The following NAALADL2 variants were observed in gnomAD, a reference collection of about 807,000 sequenced individuals.
NAALADL2 encodes the protein N-acetylated alpha-linked acidic dipeptidase like 2.
A neutral mutation model predicts 87.2 loss-of-function variants in NAALADL2; 76 were observed. The observed-to-expected ratio is 0.87, with a 90% CI of 0.72 to 1.05. The LOEUF (loss-of-function observed/expected upper bound fraction) is 1.05, where lower values mean the gene tolerates loss of function less well. Ranked by LOEUF, NAALADL2 falls within the 50% of genes least tolerant of loss-of-function variation. The pLI, the probability that NAALADL2 is intolerant of heterozygous loss-of-function variation, is 0.00. For synonymous variants in NAALADL2, 354 were observed against 331.0 expected, an observed-to-expected ratio of 1.07 and a Z score of -0.75; for missense variants, 1,089 against 945.8, an observed-to-expected ratio of 1.15 and a Z score of -1.99.
intron 2 of NAALADL2, among the ~76,000 whole-genome samples, chr3:174,726,815 C>T (rs1578696938): frequency 2.6e-5 from 4 of 152,204 alleles, no homozygotes; most frequent in Admixed American, 6.5e-5. Context: ...GCTGTGTTCA[C>T]GCGTTTCCAC....
At chr3:174,891,003 G>A (rs1365921604) in intron 1 of NAALADL2, among the ~76,000 whole-genome samples, 5 of 151,660 alleles carry the variant, frequency 3.3e-5, no homozygotes, top group Non-Finnish European at 5.9e-5. Context: ...TCTAAATATA[G>A]ATACTTAACT....
intron 4 of NAALADL2, among the ~76,000 whole-genome samples, chr3:175,316,440 C>CA (rs1236757150): frequency 7.2e-5 from 11 of 152,088 alleles, no homozygotes; most frequent in African/African-American, 2.2e-4. Context: ...CAAAGGACCT[C>CA]CCAGCCTATC....
chr3:175,748,008 CT>C (rs548420197), intron 12 of NAALADL2, among the ~76,000 whole-genome samples: 16 of 148,308 alleles, frequency 1.1e-4, no homozygotes, highest in South Asian at 2.1e-4. Flanking sequence ...AAATCTGTTG[CT>C]TTTTTTTTTA....
intron 3 of NAALADL2, among the ~76,000 whole-genome samples, chr3:174,818,066 T>G (rs916674698): frequency 6.6e-6 from 1 of 152,164 alleles, no homozygotes; most frequent in African/African-American, 2.4e-5. Flanking sequence ...TTGATTTGTG[T>G]CTGTTGTTAG....
chr3:174,529,617 G>A (rs950947226), intron 1 of NAALADL2, among the ~76,000 whole-genome samples: 24 of 152,154 alleles, frequency 1.6e-4, no homozygotes, highest in South Asian at 6.2e-4. Context: ...GAACATCCAG[G>A]CATTTTCGAA....
chr3:175,089,567 T>G (rs984706920), intron 1 of NAALADL2, among the ~76,000 whole-genome samples: 6 of 152,282 alleles, frequency 3.9e-5, no homozygotes, highest in African/African-American at 1.4e-4. Context: ...ATAGTAATTC[T>G]TGGCTCATTT....
intron 11 of NAALADL2, among the ~76,000 whole-genome samples, chr3:175,656,571 A>G (rs148704368): frequency 2.2e-4 from 34 of 152,184 alleles, no homozygotes; most frequent in African/African-American, 8.2e-4. Context: ...TACCAACCAT[A>G]TAACACTACA....
At chr3:174,896,022 G>C (rs900143240) in intron 1 of NAALADL2, among the ~76,000 whole-genome samples, 3 of 152,000 alleles carry the variant, frequency 2.0e-5, no homozygotes, top group Non-Finnish European at 4.4e-5. Context: ...TTAAAAAACT[G>C]GGTATAGAAG....
In NAALADL2 at chr3:175,181,705, G is replaced by A. The variant is rs868157689; in HGVS notation, c.546-52226G>A. Among the ~76,000 whole-genome samples the A allele has an allele frequency of 5.5e-3, 96 of 17,464 alleles. 2 individuals carry two copies. The highest frequency in any genetic ancestry group is 0.024 in the South Asian group (9 of 380). The allele number at this position is 17,464 out of a possible 152,430, so 11.5% of individuals were successfully genotyped here. On this transcript the variant is annotated intron_variant, in intron 2 of 13. Coordinates refer to ENST00000454872, the MANE Select transcript of NAALADL2 (RefSeq NM_207015.3). ...TATATATATATATATATATATATAT[G>A]TGTGTGTGTGTGTATATATATGTAT...
At chr3:175,117,705 C>T (rs79182681) in intron 2 of NAALADL2, among the ~76,000 whole-genome samples, 91,399 of 151,278 alleles carry the variant, frequency 0.6, 28,122 homozygotes, top group African/African-American at 0.73. Context: ...GAAGACAGTG[C>T]GGCAATTCCT....
chr3:174,736,735 G>T (rs539248063), intron 2 of NAALADL2, among the ~76,000 whole-genome samples: 4 of 152,220 alleles, frequency 2.6e-5, no homozygotes, highest in African/African-American at 7.2e-5. Context: ...CAGGCTTCAG[G>T]CCATCCTGGC....
chr3:174,494,801 T>C (rs1202026146), intron 1 of NAALADL2, among the ~76,000 whole-genome samples: 2 of 152,144 alleles, frequency 1.3e-5, no homozygotes, highest in Non-Finnish European at 2.9e-5. Flanking sequence ...AATAAGCTTT[T>C]TACGTTGGAG....
At chr3:175,129,162 G>A (rs1431235174) in intron 2 of NAALADL2, among the ~76,000 whole-genome samples, 1 of 151,734 alleles carries the variant, frequency 6.6e-6, no homozygotes, top group Non-Finnish European at 1.5e-5. Context: ...GGCCAGACTG[G>A]TTGAATTACT....
At chr3:174,656,600 G>T (rs1283521399) in intron 2 of NAALADL2, among the ~76,000 whole-genome samples, 2 of 152,046 alleles carry the variant, frequency 1.3e-5, no homozygotes, top group Non-Finnish European at 2.9e-5. Flanking sequence ...TACTTTTTTT[G>T]TTTAAGGTTC....
intron 5 of NAALADL2, among the ~76,000 whole-genome samples, chr3:175,413,024 T>C (rs1287351361): frequency 2.0e-5 from 3 of 150,020 alleles, no homozygotes; most frequent in Non-Finnish European, 3.0e-5. Flanking sequence ...GTTCATGCCA[T>C]TCTCCTGCCT....
chr3:174,823,167 G>T (rs1721610045), intron 3 of NAALADL2, among the ~76,000 whole-genome samples: 1 of 151,934 alleles, frequency 6.6e-6, no homozygotes, highest in African/African-American at 2.4e-5. Context: ...TTTGTTCTTT[G>T]TCCCAAGTGT....
At chr3:175,087,510 G>A (rs138046398) in intron 1 of NAALADL2, among the ~76,000 whole-genome samples, 2,766 of 152,274 alleles carry the variant, frequency 0.018, 70 homozygotes, top group East Asian at 0.086. Flanking sequence ...AGATTGTTAC[G>A]GTGCCTGTGT....
chr3:175,147,259 C>T (rs781683900), intron 2 of NAALADL2, among the ~76,000 whole-genome samples: 1 of 152,086 alleles, frequency 6.6e-6, no homozygotes, highest in Non-Finnish European at 1.5e-5. Context: ...CGTTCTAGCA[C>T]TCCCCAGTGT....
chr3:174,921,461 G>T (rs1049272423), intron 1 of NAALADL2, among the ~76,000 whole-genome samples: 2 of 151,954 alleles, frequency 1.3e-5, no homozygotes, highest in East Asian at 3.9e-4. Flanking sequence ...ATTCAAATGT[G>T]ACAGAAATTT....
Sources: gnomAD v4.1 joint callset for allele counts (sites outside exome capture counted in the v4.1 genomes callset) on GRCh38, gnomAD v4.1.1 for gene constraint, MANE v1.5 for transcripts, NCBI Gene and HGNC (gene_info 2026-07-23, HGNC 2026-07-21) for gene names.